PTPRD: variants seen among roughly 807,000 people sequenced by gnomAD.
PTPRD encodes protein tyrosine phosphatase receptor type D.
In PTPRD, 34 loss-of-function variants were observed where a neutral mutation model predicts 214.5. That is an observed-to-expected ratio of 0.16 (90% CI 0.12 to 0.21). PTPRD has a LOEUF of 0.21. Among genes scored for constraint, PTPRD ranks in the 10% least tolerant of loss-of-function variants. PTPRD has a pLI of 1.00. For synonymous variants in PTPRD, 1,128 were observed against 845.7 expected (o/e 1.33, Z -5.79); for missense variants, 2,545 against 2,398.7 (o/e 1.06, Z -1.27).
At chr9:9,194,504 T>C (rs1004308358) in intron 9 of PTPRD, among the ~76,000 whole-genome samples, 5 of 152,148 alleles carry the variant, frequency 3.3e-5, no homozygotes, top group Admixed American at 3.3e-4. Context: ...ATGGCTGTGA[T>C]GTCACTGGGT....
At chr9:8,341,450 T>C (rs1250611965) in intron 40 of PTPRD, among the ~76,000 whole-genome samples, 182 bp from the exon 41 acceptor site, 1 of 152,094 alleles carries the variant, frequency 6.6e-6, no homozygotes, top group Non-Finnish European at 1.5e-5. Context: ...GCCTATTGGA[T>C]TTCTATATAT....
At position 9,149,114 on chromosome 9, in the gene PTPRD, G is replaced by C. The variant is rs538436691; in HGVS notation, c.-143+34190C>G. ...TTCCGCAGTCTGACTGTTTAGGTTA[G>C]AGTCCTAGCATCACCTGGATAACCT... is the stretch of plus-strand genomic sequence containing the variant. On this transcript the variant is annotated intron_variant, in intron 10 of 45. Coordinates refer to ENST00000381196, the MANE Select transcript of PTPRD (RefSeq NM_002839.4). Among the ~76,000 whole-genome samples the C allele has an allele frequency of 7.9e-5, 12 of 152,324 alleles. No homozygotes were observed. The South Asian group carries it at 1.9e-3, about 24-fold the overall frequency.
At chr9:8,914,194 T>C (rs1220030953) in intron 11 of PTPRD, among the ~76,000 whole-genome samples, 1 of 152,196 alleles carries the variant, frequency 6.6e-6, no homozygotes, top group Admixed American at 6.5e-5. Context: ...TTTTCAATAA[T>C]TTTAATGTAA....
chr9:9,732,145 A>C (rs569230982), intron 7 of PTPRD, among the ~76,000 whole-genome samples: 1 of 152,258 alleles, frequency 6.6e-6, no homozygotes, highest in Admixed American at 6.5e-5. Context: ...CACACTGATC[A>C]TGCTGGTCAC....
At chr9:10,353,034 G>T (rs1413007287) in intron 2 of PTPRD, among the ~76,000 whole-genome samples, 1 of 151,886 alleles carries the variant, frequency 6.6e-6, no homozygotes, top group Non-Finnish European at 1.5e-5. Context: ...GGTATATATG[G>T]TAATTTGCCT....
At chr9:9,154,956 G>C (rs752279887) in intron 10 of PTPRD, among the ~76,000 whole-genome samples, 16 of 152,114 alleles carry the variant, frequency 1.1e-4, no homozygotes, top group Admixed American at 3.3e-4. Flanking sequence ...TTTCTGTCTT[G>C]TGTGCTTGTG....
Position 9,619,553 on chromosome 9 carries a change from T to C in PTPRD, c.-286-44772A>G, listed in dbSNP as rs2095108390. 2.7e-5 allele frequency among the ~76,000 whole-genome samples: 4 copies of C among 146,460 alleles called. No individual in the cohort carries two copies. The South Asian group carries it at 8.4e-4, about 31-fold the overall frequency. On this transcript the variant is annotated intron_variant, in intron 7 of 45. Transcript: ENST00000381196. ...ACTATATTTATATAGAAATTCCATATATTATCTAATATGTCTAGATTAATA... is the reference window on the plus strand; with the variant it reads ...ACTATATTTATATAGAAATTCCATACATTATCTAATATGTCTAGATTAATA...
rs201468335 is a variant in PTPRD at position 9,111,127 on chromosome 9, C to T, written c.-143+72177G>A. ...ATCTAGGTCAGGAACATCTGACCTA[C>T]ACTATGGGGAACCAGAAAGGATTTC... On this transcript the variant is annotated intron_variant, in intron 10 of 45. Transcript: ENST00000381196. Among the ~76,000 whole-genome samples, 11 of 149,100 alleles carry T rather than the reference C, an allele frequency of 7.4e-5. No individual in the cohort carries two copies. In the East Asian group the frequency reaches 2.2e-3, roughly 30 times the overall value.
intron 2 of PTPRD, among the ~76,000 whole-genome samples, chr9:10,449,700 TGAGGAG>T (rs2098826337): frequency 6.6e-6 from 1 of 151,356 alleles, no homozygotes. Context: ...GTCTGAGAAG[TGAGGAG>T]CCCCTCTGCC....
intron 4 of PTPRD, among the ~76,000 whole-genome samples, chr9:9,982,509 T>G (rs1335158267): frequency 7.8e-6 from 1 of 128,334 alleles, no homozygotes; most frequent in Non-Finnish European, 1.7e-5. Flanking sequence ...TGTGTGTGTG[T>G]GTGTGTTGGC....
In PTPRD at chr9:9,022,250, G is replaced by T. The variant is rs150164328; in HGVS notation, c.-142-3515C>A. On this transcript the variant is annotated intron_variant, in intron 10 of 45. Coordinates refer to ENST00000381196, the MANE Select transcript of PTPRD (RefSeq NM_002839.4). The stretch of plus-strand genomic sequence containing the variant: ...AAAATGCATTTACCGTAGCCTACGT[G>T]TGCAGGGTTTATAAAGTCTATAGTA... Among the ~76,000 whole-genome samples the T allele has an allele frequency of 5.1e-4, 78 of 152,210 alleles. No homozygotes were observed. In the East Asian group the frequency reaches 0.014, roughly 28 times the overall value.
chr9:8,607,421 G>A (rs2095269188), intron 14 of PTPRD, among the ~76,000 whole-genome samples: 1 of 152,150 alleles, frequency 6.6e-6, no homozygotes, highest in Non-Finnish European at 1.5e-5. Context: ...GAGGTGGGTG[G>A]ATCACAAGGT....
intron 10 of PTPRD, among the ~76,000 whole-genome samples, chr9:9,117,905 C>T (rs1346105582): frequency 4.6e-5 from 7 of 151,792 alleles, no homozygotes. Flanking sequence ...AGGGATGGAT[C>T]CAGGTTTTGT....
chr9:8,542,195 T>C lies in PTPRD; in HGVS notation c.353-13416A>G, dbSNP rs533055125. ...GAAGGGTTTTGAAGGTAAATACAAG[T>C]GTGTGGGCACTTCGGTGCTTGCGGG... On this transcript the variant is annotated intron_variant, in intron 14 of 45. Transcript: ENST00000381196. 3.3e-5 allele frequency among the ~76,000 whole-genome samples: 5 copies of C among 152,292 alleles called. No individual in the cohort carries two copies. In the South Asian group the frequency reaches 1.0e-3, roughly 32 times the overall value.
In PTPRD at chr9:8,315,825, A is replaced by T; in HGVS notation, c.*2049T>A. On this transcript the variant is annotated 3_prime_UTR_variant, in exon 46 of 46. Coordinates refer to ENST00000381196, the MANE Select transcript of PTPRD (RefSeq NM_002839.4). ...TAGTATACTCATACCAAAACTCTTT[A>T]AGAGTTCCTTGGGTATTTTGAGGAT... is the stretch of plus-strand genomic sequence containing the variant. The T allele has an allele frequency of 4.4e-6, 1 of 226,078 alleles. No homozygotes were observed. Among genetic ancestry groups the T allele is most frequent in the East Asian group, 6.4e-5 (1 of 15,698 alleles). The allele number at this position is 226,078 out of a possible 1,614,324, so 14.0% of individuals were successfully genotyped here.
At chr9:8,841,819 C>T (rs577936514) in intron 11 of PTPRD, among the ~76,000 whole-genome samples, 17 of 152,102 alleles carry the variant, frequency 1.1e-4, no homozygotes, top group Admixed American at 6.5e-5. Context: ...CAAGACCAGC[C>T]TGGCCAACAT....
At chr9:8,558,644 G>A (rs2084931908) in intron 14 of PTPRD, among the ~76,000 whole-genome samples, 2 of 152,098 alleles carry the variant, frequency 1.3e-5, no homozygotes, top group Non-Finnish European at 2.9e-5. Flanking sequence ...ACAGTCAACG[G>A]GCTTGGGCTA....
chr9:10,587,218 A>G (rs1459102507), intron 2 of PTPRD, among the ~76,000 whole-genome samples: 1 of 152,100 alleles, frequency 6.6e-6, no homozygotes, highest in African/African-American at 2.4e-5. Context: ...AGGAAGCTGC[A>G]AAGAACAGCT....
chr9:10,292,223 C>T (rs539939015), intron 3 of PTPRD, among the ~76,000 whole-genome samples: 1 of 152,118 alleles, frequency 6.6e-6, no homozygotes, highest in East Asian at 1.9e-4. Context: ...ATCTATTTTT[C>T]TCTCACACTT....
Sources: gnomAD v4.1 joint callset for allele counts (sites outside exome capture counted in the v4.1 genomes callset) on GRCh38, gnomAD v4.1.1 for gene constraint, MANE v1.5 for transcripts, NCBI Gene and HGNC (gene_info 2026-07-23, HGNC 2026-07-21) for gene names.